PRKN: variants seen among roughly 807,000 people sequenced by gnomAD.
PRKN encodes the protein E3 ubiquitin-protein ligase parkin.
A neutral mutation model predicts 59.5 loss-of-function variants in PRKN; 56 were observed. The ratio of observed to expected loss-of-function variants is 0.94; its 90% CI spans 0.76 to 1.18. The LOEUF is 1.18. PRKN is among the 50% of genes most tolerant of loss of function. The pLI, the probability that PRKN is intolerant of heterozygous loss-of-function variation, is 0.00. For missense variants in PRKN, 657 were observed against 596.4 expected (o/e 1.10, Z -1.06); for synonymous variants, 250 against 222.1 (o/e 1.13, Z -1.12).
intron 7 of PRKN, among the ~76,000 whole-genome samples, chr6:161,601,081 A>G (rs564313842): frequency 1.3e-5 from 2 of 152,340 alleles, no homozygotes; most frequent in South Asian, 4.1e-4. Flanking sequence ...TAAATAATCA[A>G]GACTGTATCT....
chr6:161,844,250 G>A (rs1005320348), intron 6 of PRKN, among the ~76,000 whole-genome samples: 2 of 152,192 alleles, frequency 1.3e-5, no homozygotes, highest in African/African-American at 4.8e-5. Flanking sequence ...TGGTGGCAAT[G>A]ACCCTTTCCC....
In PRKN at chr6:161,581,881, G is replaced by A. The variant is rs967523044; in HGVS notation, c.872-12465C>T. 6.6e-5 allele frequency among the ~76,000 whole-genome samples: 10 copies of A among 152,162 alleles called. No individual in the cohort carries two copies. Among genetic ancestry groups the A allele is most frequent in the Middle Eastern group, 3.2e-3 (1 of 316 alleles). On this transcript the variant is annotated intron_variant, in intron 7 of 11. Coordinates refer to ENST00000366898, the MANE Select transcript of PRKN (RefSeq NM_004562.3). The surrounding 1 kb of genome is among the most constrained non-coding windows in gnomAD (Gnocchi z 4.5). ...TTATCACCCACTCAATATTTACTGC[G>A]CAGAGAGCTGAGGACACACATTAAT... is the stretch of plus-strand genomic sequence containing the variant.
At chr6:162,555,861 T>C (rs1048612598) in intron 1 of PRKN, among the ~76,000 whole-genome samples, 2 of 151,544 alleles carry the variant, frequency 1.3e-5, no homozygotes, top group African/African-American at 4.9e-5. Flanking sequence ...TGTGGTGGTG[T>C]ATGCCTGTAA....
intron 2 of PRKN, among the ~76,000 whole-genome samples, chr6:162,352,764 G>T (rs577382036): frequency 2.0e-5 from 3 of 152,212 alleles, no homozygotes; most frequent in African/African-American, 7.2e-5. Flanking sequence ...ATCGAGAAAG[G>T]ACAGAGAGAG....
intron 3 of PRKN, among the ~76,000 whole-genome samples, chr6:162,253,248 C>T (rs75620153): frequency 0.012 from 1,815 of 152,042 alleles, 19 homozygotes; most frequent in Non-Finnish European, 0.02. Flanking sequence ...GCTCTGTTAA[C>T]GAAACAGGCA....
intron 1 of PRKN, among the ~76,000 whole-genome samples, chr6:162,455,148 G>A (rs1790807517): frequency 6.6e-6 from 1 of 152,096 alleles, no homozygotes; most frequent in South Asian, 2.1e-4. Flanking sequence ...TAAGATTGTT[G>A]TCTATAATAC....
intron 5 of PRKN, among the ~76,000 whole-genome samples, chr6:162,050,994 G>A (rs903029780): frequency 1.3e-5 from 2 of 152,106 alleles, no homozygotes; most frequent in African/African-American, 2.4e-5. Context: ...GAAAATTCAC[G>A]AGGCAAGTCC....
chr6:162,250,186 A>C (rs1213630940), intron 3 of PRKN, among the ~76,000 whole-genome samples: 4 of 96,462 alleles, frequency 4.1e-5, no homozygotes, highest in East Asian at 2.7e-4. Context: ...ATTATTTATA[A>C]GGGGGGGGGC....
chr6:162,309,685 T>C (rs1049316340), intron 2 of PRKN, among the ~76,000 whole-genome samples: 4 of 152,122 alleles, frequency 2.6e-5, no homozygotes, highest in Non-Finnish European at 4.4e-5. Flanking sequence ...TATTATCACA[T>C]TGTAATTGTT....
intron 6 of PRKN, among the ~76,000 whole-genome samples, chr6:161,934,118 G>A (rs2128241499): frequency 6.6e-6 from 1 of 152,320 alleles, no homozygotes; most frequent in Admixed American, 6.5e-5. Context: ...TCGCCATGAA[G>A]TTCTCATGAT....
intron 9 of PRKN, among the ~76,000 whole-genome samples, chr6:161,479,784 G>A (rs1345947825): frequency 2.0e-5 from 3 of 152,160 alleles, no homozygotes; most frequent in Non-Finnish European, 4.4e-5. Flanking sequence ...GCACAAAGCC[G>A]GGGTCACTGG....
intron 1 of PRKN, among the ~76,000 whole-genome samples, chr6:162,546,157 G>A (rs1224999090): frequency 7.0e-6 from 1 of 143,136 alleles, no homozygotes; most frequent in Non-Finnish European, 1.5e-5. Flanking sequence ...AGGCTGGAGT[G>A]CAGTGGCGTG....
intron 1 of PRKN, among the ~76,000 whole-genome samples, chr6:162,527,787 C>G (rs1467530386): frequency 2.6e-5 from 4 of 152,110 alleles, no homozygotes; most frequent in Non-Finnish European, 4.4e-5. Context: ...TTCTTCCCAT[C>G]AGGCGCTTTA....
intron 4 of PRKN, among the ~76,000 whole-genome samples, chr6:162,079,878 C>A (rs1408509786): frequency 1.3e-5 from 2 of 152,114 alleles, no homozygotes; most frequent in East Asian, 3.8e-4. Flanking sequence ...TAGTATAATG[C>A]TGCATTTAGG....
chr6:161,617,249 T>C (rs967673472), intron 7 of PRKN, among the ~76,000 whole-genome samples: 1 of 152,194 alleles, frequency 6.6e-6, no homozygotes, highest in African/African-American at 2.4e-5. Flanking sequence ...CACTTTTTGA[T>C]GGGGTTGATT....
chr6:162,021,421 G>T (rs1783181874), intron 5 of PRKN, among the ~76,000 whole-genome samples: 1 of 136,552 alleles, frequency 7.3e-6, no homozygotes. Context: ...ACTTTTTGAT[G>T]TCCCGGCATT....
chr6:162,103,867 G>A (rs1780080279), intron 4 of PRKN, among the ~76,000 whole-genome samples: 1 of 152,194 alleles, frequency 6.6e-6, no homozygotes, highest in Non-Finnish European at 1.5e-5. Context: ...GTATGTAGCT[G>A]TGAAATCCTG....
At chr6:162,144,510 T>C (rs1455561190) in intron 4 of PRKN, among the ~76,000 whole-genome samples, 1 of 152,134 alleles carries the variant, frequency 6.6e-6, no homozygotes, top group African/African-American at 2.4e-5. Context: ...TCAGCTGGTG[T>C]AGGTTTATGG....
intron 2 of PRKN, among the ~76,000 whole-genome samples, chr6:162,297,827 C>T (rs1415269083): frequency 6.6e-6 from 1 of 152,100 alleles, no homozygotes; most frequent in Non-Finnish European, 1.5e-5. Flanking sequence ...TCATTAATTA[C>T]AGTCCAGTGA....
Sources: allele counts gnomAD v4.1 joint callset (sites outside exome capture counted in the v4.1 genomes callset), GRCh38; gene constraint gnomAD v4.1.1; non-coding constraint Gnocchi (gnomAD v3.1); transcripts MANE v1.5; gene names NCBI Gene and HGNC (gene_info 2026-07-23, HGNC 2026-07-21).